EMSY: variants seen among roughly 807,000 people sequenced by gnomAD.
The protein encoded by EMSY is BRCA2-interacting transcriptional repressor EMSY.
EMSY carries 26 observed loss-of-function variants against 134.6 expected under a neutral mutation model. The observed-to-expected ratio is 0.19, with a 90% CI of 0.14 to 0.27. The LOEUF (loss-of-function observed/expected upper bound fraction) is 0.27. Among genes scored for constraint, EMSY ranks in the 10% least tolerant of loss-of-function variants. The pLI is 1.00. For missense variants in EMSY, 1,305 were observed against 1,611.4 expected (o/e 0.81, Z 3.26); for synonymous variants, 579 against 577.8 (o/e 1.00, Z -0.03).
chr11:76,482,085 A>C (rs1408224088), intron 8 of EMSY, among the ~76,000 whole-genome samples: 1 of 152,148 alleles, frequency 6.6e-6, no homozygotes, highest in Non-Finnish European at 1.5e-5. Flanking sequence ...TGCAGCCTCC[A>C]CTGGTGATAC....
chr11:76,476,466 A>G (rs1015414659), intron 8 of EMSY, among the ~76,000 whole-genome samples: 3 of 152,206 alleles, frequency 2.0e-5, no homozygotes, highest in Non-Finnish European at 4.4e-5. Flanking sequence ...GGTACAATTC[A>G]TATGGGAAAA....
intron 16 of EMSY, 93 bp downstream of exon 17, chr11:76,538,043 AT>A: frequency 1.7e-6 from 2 of 1,156,240 alleles, no homozygotes; most frequent in Non-Finnish European, 2.3e-6. Context: ...TATTCTTTAT[AT>A]TTTTAGCTTT....
intron 9 of EMSY, among the ~76,000 whole-genome samples, chr11:76,498,436 C>T (rs1167641840): frequency 6.6e-6 from 1 of 152,118 alleles, no homozygotes; most frequent in South Asian, 2.1e-4. Context: ...AAGTCCCCAA[C>T]TAATTGTTGG....
chr11:76,528,561 T>G, intron 14 of EMSY, 95 bp downstream of exon 15: 1 of 810,236 alleles, frequency 1.2e-6, no homozygotes, highest in Non-Finnish European at 1.9e-6. Context: ...CACAACAAAT[T>G]TGTATGCTCT....
At chr11:76,477,559 C>G (rs893404342) in intron 8 of EMSY, among the ~76,000 whole-genome samples, 3 of 151,926 alleles carry the variant, frequency 2.0e-5, no homozygotes, top group Admixed American at 2.0e-4. Flanking sequence ...GTTATACAAA[C>G]TGTTGTGCAC....
At chr11:76,549,920 C>A in intron 20 of EMSY, 32 bp from the exon 22 acceptor site, 3 of 1,458,812 alleles carry the variant, frequency 2.1e-6, no homozygotes, top group Non-Finnish European at 2.8e-6. Flanking sequence ...CCTTTTCTTA[C>A]CATAAAGATT....
intron 12 of EMSY, among the ~76,000 whole-genome samples, chr11:76,524,653 T>G (rs77675549): frequency 6.6e-6 from 1 of 152,214 alleles, no homozygotes; most frequent in Non-Finnish European, 1.5e-5. Context: ...TCATGTATGA[T>G]TCATAGCTGT....
At chr11:76,515,943 TTTAAA>T (rs1314206584) in intron 10 of EMSY, among the ~76,000 whole-genome samples, 194 bp from the exon 12 acceptor site, 1 of 152,238 alleles carries the variant, frequency 6.6e-6, no homozygotes, top group Non-Finnish European at 1.5e-5. Flanking sequence ...GTAAAATTAA[TTTAAA>T]TTGACTTGGC....
At chr11:76,504,312 T>A (rs1262630251) in intron 9 of EMSY, among the ~76,000 whole-genome samples, 2 of 149,700 alleles carry the variant, frequency 1.3e-5, no homozygotes, top group Non-Finnish European at 3.0e-5. Flanking sequence ...TATATATATA[T>A]AAACTCTTAT....
At chr11:76,467,001 A>T (rs1051780837) in intron 7 of EMSY, among the ~76,000 whole-genome samples, 3 of 152,160 alleles carry the variant, frequency 2.0e-5, no homozygotes, top group African/African-American at 7.2e-5. Flanking sequence ...TTGTTTATTT[A>T]CACTGTTGAT....
chr11:76,472,742 G>A (rs780674990), exon 8 of EMSY: 2 of 1,614,150 alleles, frequency 1.2e-6, no homozygotes, highest in Admixed American at 1.7e-5. Context: ...AGCAGCAGTG[G>A]CAGCAGCAGT....
chr11:76,538,788 T>C (rs1951322016), intron 16 of EMSY, among the ~76,000 whole-genome samples: 1 of 152,038 alleles, frequency 6.6e-6, no homozygotes, highest in African/African-American at 2.4e-5. Flanking sequence ...CGAAACCCCA[T>C]CTTTACTAAA....
intron 9 of EMSY, among the ~76,000 whole-genome samples, chr11:76,502,828 G>A (rs966754331): frequency 1.3e-5 from 2 of 152,160 alleles, no homozygotes; most frequent in African/African-American, 4.8e-5. Context: ...TCACAGATCA[G>A]AAGATTTAAC....
chr11:76,453,661 T>G (rs1393642340), intron 4 of EMSY: 1 of 258,916 alleles, frequency 3.9e-6, no homozygotes, highest in African/African-American at 2.2e-5. Flanking sequence ...TAGCAGATGA[T>G]TCACTTACTT....
At chr11:76,533,590 A>T (rs1951120450) in intron 14 of EMSY, among the ~76,000 whole-genome samples, 2 of 152,204 alleles carry the variant, frequency 1.3e-5, no homozygotes, top group African/African-American at 2.4e-5. Context: ...GAAAAGTCTT[A>T]AGATTCTATG....
chr11:76,544,635 A>G (rs777745007), exon 19 of EMSY: 266 of 1,614,020 alleles, frequency 1.6e-4, no homozygotes, highest in Non-Finnish European at 2.2e-4. Flanking sequence ...GTGGCCAAAG[A>G]CAGGCAGCTT....
At chr11:76,484,928 C>CAA (rs201336578) in intron 8 of EMSY, among the ~76,000 whole-genome samples, 83 of 105,846 alleles carry the variant, frequency 7.8e-4, no homozygotes, top group Middle Eastern at 0.01. Context: ...AACTCCATCT[C>CAA]AAAAAAAAAA....
intron 14 of EMSY, among the ~76,000 whole-genome samples, chr11:76,531,463 G>T (rs1241562592): frequency 6.6e-6 from 1 of 151,918 alleles, no homozygotes; most frequent in Non-Finnish European, 1.5e-5. Flanking sequence ...ATATTCTTCA[G>T]TTTGGTTTTG....
At chr11:76,497,762 T>A (rs981147519) in intron 9 of EMSY, among the ~76,000 whole-genome samples, 1 of 152,134 alleles carries the variant, frequency 6.6e-6, no homozygotes, top group African/African-American at 2.4e-5. Context: ...CATTTAAAAA[T>A]TTATTGAATT....
Sources: gnomAD v4.1 joint callset for allele counts (sites outside exome capture counted in the v4.1 genomes callset) on GRCh38, gnomAD v4.1.1 for gene constraint, MANE v1.5 for transcripts, NCBI Gene and HGNC (gene_info 2026-07-23, HGNC 2026-07-21) for gene names.